LINGO1: variants seen among roughly 807,000 people sequenced by gnomAD.
LINGO1 encodes leucine-rich repeat and immunoglobulin-like domain-containing nogo receptor-interacting protein 1.
In LINGO1, 11 loss-of-function variants were observed where a neutral mutation model predicts 37.3. That is an observed-to-expected ratio of 0.29 (90% confidence interval 0.19 to 0.49). The LOEUF is 0.49. LINGO1 is among the 20% of genes least tolerant of loss of function. The pLI, the probability that LINGO1 is intolerant of heterozygous loss-of-function variation, is 0.99. For missense variants in LINGO1, 585 were observed against 878.2 expected (o/e 0.67, Z 4.22); for synonymous variants, 387 against 403.0 (o/e 0.96, Z 0.48).
At chr15:77,776,795 A>G (rs956511596) in intron 1 of LINGO1, among the ~76,000 whole-genome samples, 1 of 152,198 alleles carries the variant, frequency 6.6e-6, no homozygotes, top group Non-Finnish European at 1.5e-5. Flanking sequence ...TTAAGAGCTG[A>G]CACATTCTAA....
intron 1 of LINGO1, among the ~76,000 whole-genome samples, chr15:77,625,227 C>T (rs1229397218): frequency 6.6e-6 from 1 of 152,168 alleles, no homozygotes; most frequent in African/African-American, 2.4e-5. Flanking sequence ...GTGGAACTAG[C>T]CTGGGATTTG....
At chr15:77,660,824 G>A (rs1306736784) in intron 3 of LINGO1, among the ~76,000 whole-genome samples, 1 of 152,066 alleles carries the variant, frequency 6.6e-6, no homozygotes, top group African/African-American at 2.4e-5. Flanking sequence ...CACAGAGGCA[G>A]GGATGAGATC....
chr15:77,736,774 TA>T (rs924593755), intron 1 of LINGO1, among the ~76,000 whole-genome samples: 1 of 151,726 alleles, frequency 6.6e-6, no homozygotes, highest in Non-Finnish European at 1.5e-5. Context: ...ACTTCATCTC[TA>T]AAAAAGAAAA....
At chr15:77,727,366 A>C (rs1052674390) in intron 2 of LINGO1, among the ~76,000 whole-genome samples, 6 of 152,234 alleles carry the variant, frequency 3.9e-5, no homozygotes, top group African/African-American at 1.4e-4. Flanking sequence ...TGAACAGATA[A>C]ACAAAATGTG....
intron 1 of LINGO1, among the ~76,000 whole-genome samples, chr15:77,755,918 A>T (rs528460230): frequency 3.3e-5 from 5 of 152,068 alleles, no homozygotes; most frequent in Non-Finnish European, 5.9e-5. Flanking sequence ...ATCCAGCCCA[A>T]TGTGGTTTAA....
At position 77,784,268 on chromosome 15, in the gene LINGO1, G is replaced by A. The variant is rs561086151; in HGVS notation, c.-257+2601C>T. Reference sequence around the variant, plus strand: ...CCTAGCCAAAGGCACAGAGCCAGCAGGAGAGAGCAGAACTCAGAAGGCCAT... The same window carrying A: ...CCTAGCCAAAGGCACAGAGCCAGCAAGAGAGAGCAGAACTCAGAAGGCCAT... On this transcript the variant is annotated intron_variant, in intron 1 of 3. Transcript: ENST00000561686. Among the ~76,000 whole-genome samples the A allele has an allele frequency of 9.8e-5, 15 of 152,358 alleles. No individual in the cohort carries two copies. The South Asian group carries it at 2.9e-3, about 29-fold the overall frequency.
chr15:77,665,533 T>C (rs1388221744), intron 3 of LINGO1, among the ~76,000 whole-genome samples: 1 of 152,208 alleles, frequency 6.6e-6, no homozygotes, highest in Non-Finnish European at 1.5e-5. Flanking sequence ...CCAGCACAGA[T>C]GAGTGCAACC....
At chr15:77,754,931 A>G (rs1025943469) in intron 1 of LINGO1, among the ~76,000 whole-genome samples, 10 of 152,276 alleles carry the variant, frequency 6.6e-5, no homozygotes, top group Non-Finnish European at 1.5e-4. Flanking sequence ...TCCAGCTCCC[A>G]ACGCTGTTGT....
chr15:77,659,196 A>C (rs913981878), intron 3 of LINGO1, among the ~76,000 whole-genome samples: 6 of 151,404 alleles, frequency 4.0e-5, no homozygotes, highest in African/African-American at 1.5e-4. Flanking sequence ...CAAGGAAAAA[A>C]CCCTAATGCT....
chr15:77,760,512 ATCTG>A (rs2076464611), intron 1 of LINGO1, among the ~76,000 whole-genome samples: 7 of 152,216 alleles, frequency 4.6e-5, no homozygotes, highest in African/African-American at 1.7e-4. Context: ...GAAAAGTTGA[ATCTG>A]GCCACACAGG....
upstream of LINGO1, among the ~76,000 whole-genome samples, chr15:77,699,456 A>G (rs2075742330): frequency 1.0e-3 from 1 of 972 alleles, no homozygotes; most frequent in African/African-American, 3.9e-3. Context: ...ACACATACTA[A>G]CCACCACCTG....
chr15:77,669,050 G>C (rs948938961), intron 3 of LINGO1, among the ~76,000 whole-genome samples: 1 of 152,204 alleles, frequency 6.6e-6, no homozygotes, highest in African/African-American at 2.4e-5. Flanking sequence ...TCCCTTCTTC[G>C]CCGCTGTGCA....
intron 2 of LINGO1, among the ~76,000 whole-genome samples, chr15:77,685,810 C>A (rs2075499562): frequency 6.6e-6 from 1 of 152,114 alleles, no homozygotes; most frequent in African/African-American, 2.4e-5. Flanking sequence ...ATGATCACAA[C>A]ACTGCTCTCC....
At chr15:77,795,152 G>C (rs556418852) in intron 2 of LINGO1, among the ~76,000 whole-genome samples, 2 of 152,288 alleles carry the variant, frequency 1.3e-5, no homozygotes, top group East Asian at 3.9e-4. Context: ...GAGGCCTGTT[G>C]AGAACAGAGG....
Position 77,614,002 on chromosome 15 carries a change from CCCT to C in LINGO1, c.*39_*41del. The stretch of plus-strand genomic sequence containing the variant: ...GAGCAGGTGGCGGCCAGGCCCCTTC[CCCT>C]GCCCGGCCGCCCGGGGGTCCCTGCC... On this transcript the variant is annotated 3_prime_UTR_variant, in exon 2 of 2. Transcript: ENST00000355300. The C allele has an allele frequency of 2.7e-6, 4 of 1,506,166 alleles. No homozygotes were observed. Among genetic ancestry groups the C allele is most frequent in the Non-Finnish European group, 3.6e-6 (4 of 1,117,952 alleles). 93.3% of individuals were successfully genotyped at this position (1,506,166 alleles called of 1,614,324 possible). A position where few individuals can be genotyped will look rare whatever the true frequency, so the allele number is the denominator to read the frequency against.
intron 1 of LINGO1, among the ~76,000 whole-genome samples, chr15:77,771,595 G>A (rs749486316): frequency 1.1e-4 from 17 of 152,154 alleles, no homozygotes; most frequent in African/African-American, 1.9e-4. Flanking sequence ...ACCTGGTCCC[G>A]GCCTCCAAGA....
At chr15:77,621,461 T>A (rs2073915579) in intron 1 of LINGO1, among the ~76,000 whole-genome samples, 1 of 152,200 alleles carries the variant, frequency 6.6e-6, no homozygotes, top group South Asian at 2.1e-4. Flanking sequence ...GAATTTGCCC[T>A]GGGCCTGGGT....
At chr15:77,646,236 G>A (rs1221254401) in intron 3 of LINGO1, 2 of 280,426 alleles carry the variant, frequency 7.1e-6, no homozygotes, top group South Asian at 3.3e-5. Flanking sequence ...TGCACATCAA[G>A]GAAATGTGTC....
intron 3 of LINGO1, among the ~76,000 whole-genome samples, chr15:77,658,016 G>A (rs888511822): frequency 5.3e-5 from 8 of 152,196 alleles, no homozygotes; most frequent in African/African-American, 1.7e-4. Flanking sequence ...GGGGGTGGGA[G>A]GGGAGTGGGG....
Sources: allele counts gnomAD v4.1 joint callset (sites outside exome capture counted in the v4.1 genomes callset), GRCh38; gene constraint gnomAD v4.1.1; transcripts MANE v1.5; gene names NCBI Gene and HGNC (gene_info 2026-07-23, HGNC 2026-07-21).